ZBTB16: variants seen among roughly 807,000 people sequenced by gnomAD.
ZBTB16 encodes zinc finger and BTB domain containing 16.
In ZBTB16, 8 loss-of-function variants were observed where a neutral mutation model predicts 56.8. The observed-to-expected ratio is 0.14, with a 90% CI of 0.08 to 0.25. The LOEUF (loss-of-function observed/expected upper bound fraction) is 0.25, where lower values mean the gene tolerates loss of function less well. ZBTB16 is among the 10% of genes least tolerant of loss of function. ZBTB16 has a pLI of 1.00. For missense variants in ZBTB16, 625 were observed against 903.0 expected (o/e 0.69, Z 3.95); for synonymous variants, 363 against 368.5 (o/e 0.98, Z 0.17).
Position 114,202,049 on chromosome 11 carries a change from A to G in ZBTB16, c.1453+15011A>G, listed in dbSNP as rs1423136149. Among the ~76,000 whole-genome samples the G allele has an allele frequency of 3.9e-5, 6 of 152,196 alleles. No individual in the cohort carries two copies. The East Asian group carries it at 1.2e-3, about 29-fold the overall frequency. ...ACACTGGCAGGTGCCTCAGTTTCCC[A>G]CTGTTAGAACAGATAAATGCCAGAT... On this transcript the variant is annotated intron_variant, in intron 4 of 6. Transcript: ENST00000335953.
intron 4 of ZBTB16, among the ~76,000 whole-genome samples, chr11:114,218,284 G>A (rs1944154304): frequency 1.3e-5 from 2 of 152,152 alleles, no homozygotes; most frequent in South Asian, 4.1e-4. Context: ...TCTTTTCTGA[G>A]GTTCATCATG....
At chr11:114,096,500 A>G (rs1253057169) in intron 2 of ZBTB16, among the ~76,000 whole-genome samples, 1 of 152,144 alleles carries the variant, frequency 6.6e-6, no homozygotes, top group Admixed American at 6.5e-5. Flanking sequence ...GCTGCCTCGT[A>G]CAGTAAGTCC....
intron 5 of ZBTB16, 25 bp downstream of exon 5, chr11:114,242,362 G>C (rs1356796408): frequency 6.2e-7 from 1 of 1,611,640 alleles, no homozygotes; most frequent in Admixed American, 1.7e-5. Flanking sequence ...CTGATGGGTG[G>C]ATCTGGGTCT....
At chr11:114,235,700 TTTCTTTTC>T (rs1944566217) in intron 4 of ZBTB16, among the ~76,000 whole-genome samples, 1 of 135,128 alleles carries the variant, frequency 7.4e-6, no homozygotes, top group Admixed American at 7.6e-5. Context: ...CTTTTCTTTC[TTTCTTTTC>T]TTTCTTTCTT....
intron 2 of ZBTB16, among the ~76,000 whole-genome samples, chr11:114,144,720 T>G (rs1942053482): frequency 6.6e-6 from 1 of 152,240 alleles, no homozygotes; most frequent in Non-Finnish European, 1.5e-5. Context: ...GCGTTTATGT[T>G]TTAATTATTA....
intron 4 of ZBTB16, among the ~76,000 whole-genome samples, chr11:114,241,326 G>A (rs1315781172): frequency 2.0e-5 from 3 of 151,946 alleles, no homozygotes; most frequent in Admixed American, 6.6e-5. Context: ...TGCCACTTAC[G>A]AACTCTATGG....
chr11:114,092,738 A>G (rs955088442), intron 2 of ZBTB16, among the ~76,000 whole-genome samples: 14 of 152,170 alleles, frequency 9.2e-5, no homozygotes, highest in Non-Finnish European at 1.5e-4. Context: ...CTTAGGTCCC[A>G]TAACTCATGG....
At chr11:114,171,349 C>T (rs1942962405) in intron 3 of ZBTB16, among the ~76,000 whole-genome samples, 1 of 152,206 alleles carries the variant, frequency 6.6e-6, no homozygotes, top group Non-Finnish European at 1.5e-5. Flanking sequence ...ACATACAGTC[C>T]TCCCACTGAA....
intron 3 of ZBTB16, among the ~76,000 whole-genome samples, chr11:114,175,440 C>G (rs189216080): frequency 6.6e-6 from 1 of 152,178 alleles, no homozygotes; most frequent in African/African-American, 2.4e-5. Context: ...AGATTACCCC[C>G]CATTTTATAC....
chr11:114,228,856 A>G (rs1360511561), intron 4 of ZBTB16, among the ~76,000 whole-genome samples: 1 of 152,138 alleles, frequency 6.6e-6, no homozygotes, highest in Admixed American at 6.5e-5. Flanking sequence ...TCCTTTGTGG[A>G]CACATTTTCC....
intron 2 of ZBTB16, among the ~76,000 whole-genome samples, chr11:114,153,913 G>A (rs556211494): frequency 4.7e-4 from 71 of 152,342 alleles, no homozygotes; most frequent in Middle Eastern, 3.4e-3. Flanking sequence ...AGTCAGGTGG[G>A]AGGATGCAGG....
intron 2 of ZBTB16, among the ~76,000 whole-genome samples, chr11:114,094,596 G>T (rs561749606): frequency 6.6e-6 from 1 of 152,318 alleles, no homozygotes; most frequent in East Asian, 1.9e-4. Flanking sequence ...CATTGCTGGG[G>T]CTCAAGAAGT....
intron 4 of ZBTB16, among the ~76,000 whole-genome samples, chr11:114,202,540 G>C (rs1188127235): frequency 6.6e-6 from 1 of 152,164 alleles, no homozygotes; most frequent in East Asian, 1.9e-4. Context: ...CAGGCAATAG[G>C]AAAAATGTTT....
chr11:114,139,664 TA>T (rs1941894928), intron 2 of ZBTB16, among the ~76,000 whole-genome samples: 1 of 147,484 alleles, frequency 6.8e-6, no homozygotes, highest in African/African-American at 2.5e-5. Flanking sequence ...TGTGTGTGTG[TA>T]GTAGAGGATT....
rs145375039 is a variant in ZBTB16 at position 114,252,411 on chromosome 11, T to G, written c.*1856T>G. Among the ~76,000 whole-genome samples, 1 of 151,500 alleles carries G rather than the reference T, an allele frequency of 6.6e-6. No homozygotes were observed. The highest frequency in any genetic ancestry group is 1.5e-5 in the Non-Finnish European group (1 of 67,786). On this transcript the variant is annotated 3_prime_UTR_variant, in exon 7 of 7. Coordinates refer to ENST00000335953, the MANE Select transcript of ZBTB16 (RefSeq NM_006006.6). ...GGGCGGGATCCAGCCTTTGTTTTGT[T>G]GTGTTGGGGTGGGGGTGTTGTTTTT...
intron 2 of ZBTB16, among the ~76,000 whole-genome samples, chr11:114,134,281 C>G (rs1941742400): frequency 1.3e-5 from 2 of 152,046 alleles, no homozygotes; most frequent in South Asian, 4.1e-4. Context: ...GGTTTGATCT[C>G]CCAACTCTGG....
chr11:114,243,726 T>C lies in ZBTB16; in HGVS notation c.1624+1389T>C, dbSNP rs143212396. On this transcript the variant is annotated intron_variant, in intron 5 of 6. Transcript: ENST00000335953. Reference sequence around the variant, plus strand: ...TCCCTCAACAGTTCCCCAGGTTCATTCGGTCTTATGAAAGATGGCTAGATA... The same window carrying C: ...TCCCTCAACAGTTCCCCAGGTTCATCCGGTCTTATGAAAGATGGCTAGATA... 2.9e-3 allele frequency among the ~76,000 whole-genome samples: 445 copies of C among 152,326 alleles called. 1 individual carries two copies. The highest frequency in any genetic ancestry group is 5.8e-3 in the South Asian group (28 of 4,828).
intron 3 of ZBTB16, among the ~76,000 whole-genome samples, chr11:114,173,826 A>G (rs1307473177): frequency 6.6e-6 from 1 of 152,222 alleles, no homozygotes; most frequent in Non-Finnish European, 1.5e-5. Flanking sequence ...GTCGTTTGCT[A>G]TCATTCATCA....
chr11:114,113,148 T>C (rs1052763927), intron 2 of ZBTB16, among the ~76,000 whole-genome samples: 1 of 152,240 alleles, frequency 6.6e-6, no homozygotes, highest in Admixed American at 6.5e-5. Flanking sequence ...GCATGTCTAA[T>C]CTTTCTTAGA....
Sources: allele counts gnomAD v4.1 joint callset (sites outside exome capture counted in the v4.1 genomes callset), GRCh38; gene constraint gnomAD v4.1.1; transcripts MANE v1.5; gene names NCBI Gene and HGNC (gene_info 2026-07-23, HGNC 2026-07-21).